The following PDSS2 variants were observed in gnomAD, a reference collection of about 807,000 sequenced individuals.
The protein encoded by PDSS2 is decaprenyl diphosphate synthase subunit 2, also known as all trans-polyprenyl-diphosphate synthase PDSS2.
Under a neutral mutation model 44.5 loss-of-function variants are expected in PDSS2, and 31 were observed. The ratio of observed to expected loss-of-function variants is 0.70; its 90% CI spans 0.52 to 0.94. The LOEUF (loss-of-function observed/expected upper bound fraction) is 0.94. Ranked by LOEUF, PDSS2 falls within the 40% of genes least tolerant of loss-of-function variation. PDSS2 has a pLI of 0.00. For synonymous variants in PDSS2, 157 were observed against 180.3 expected (o/e 0.87, Z 1.03); for missense variants, 452 against 482.2 (o/e 0.94, Z 0.59).
chr6:107,445,778 T>C (rs915364065), intron 1 of PDSS2, among the ~76,000 whole-genome samples: 2 of 152,158 alleles, frequency 1.3e-5, no homozygotes, highest in Admixed American at 6.6e-5. Flanking sequence ...GCAACATTAT[T>C]GGAAATAATC....
chr6:107,434,050 A>G (rs1483061266), intron 1 of PDSS2, among the ~76,000 whole-genome samples: 1 of 152,232 alleles, frequency 6.6e-6, no homozygotes, highest in East Asian at 1.9e-4. Context: ...CAAAACTACA[A>G]CGAGATATCA....
rs929678023 is a variant in PDSS2 at position 107,394,549 on chromosome 6, C to A, written c.297-60217G>T. 3.9e-5 allele frequency among the ~76,000 whole-genome samples: 6 copies of A among 152,246 alleles called. No homozygotes were observed. In the South Asian group the frequency reaches 6.2e-4, roughly 16 times the overall value. Reference sequence around the variant, plus strand: ...CTAAACCATTCAAGATAAACCACCCCCCATGATCCAGTCACCTCCTACCAG... The same window carrying A: ...CTAAACCATTCAAGATAAACCACCCACCATGATCCAGTCACCTCCTACCAG... On this transcript the variant is annotated intron_variant, in intron 1 of 7. Transcript: ENST00000369037.
intron 1 of PDSS2, among the ~76,000 whole-genome samples, chr6:107,342,527 TTAAG>T: frequency 6.6e-6 from 1 of 151,592 alleles, no homozygotes; most frequent in East Asian, 1.9e-4. Flanking sequence ...AAGGGTCTAT[TTAAG>T]TTTTAGAGAA....
chr6:107,431,481 T>C (rs1781192534), intron 1 of PDSS2, among the ~76,000 whole-genome samples: 1 of 152,156 alleles, frequency 6.6e-6, no homozygotes, highest in Non-Finnish European at 1.5e-5. Flanking sequence ...AACTCTGGGC[T>C]CATGCGAACC....
chr6:107,194,938 A>C (rs1286588464), intron 6 of PDSS2, among the ~76,000 whole-genome samples: 1 of 151,868 alleles, frequency 6.6e-6, no homozygotes, highest in Non-Finnish European at 1.5e-5. Flanking sequence ...TGAGTGACAG[A>C]GCAAGACTCC....
intron 7 of PDSS2, chr6:107,192,380 G>A: frequency 2.0e-6 from 1 of 511,672 alleles, no homozygotes; most frequent in South Asian, 1.5e-5. Context: ...AGACCCCAGG[G>A]AAAGGCCCAG....
At chr6:107,437,398 A>G (rs1004069065) in intron 1 of PDSS2, among the ~76,000 whole-genome samples, 5 of 151,924 alleles carry the variant, frequency 3.3e-5, no homozygotes, top group Non-Finnish European at 7.4e-5. Flanking sequence ...GGTGGCGCAC[A>G]CCTATAGTCC....
At chr6:107,203,859 C>A (rs1437083705) in intron 6 of PDSS2, among the ~76,000 whole-genome samples, 2 of 152,014 alleles carry the variant, frequency 1.3e-5, no homozygotes, top group Admixed American at 1.3e-4. Flanking sequence ...TTTTTTCTGT[C>A]TCTATGATTT....
At chr6:107,330,912 T>C (rs1777691430) in intron 2 of PDSS2, among the ~76,000 whole-genome samples, 1 of 152,198 alleles carries the variant, frequency 6.6e-6, no homozygotes, top group South Asian at 2.1e-4. Context: ...CTGGCTGTTA[T>C]ATGATTAGTT....
intron 7 of PDSS2, among the ~76,000 whole-genome samples, chr6:107,170,569 T>G (rs1771529894): frequency 6.6e-6 from 1 of 150,806 alleles, no homozygotes; most frequent in South Asian, 2.1e-4. Flanking sequence ...CTGGGAGCTG[T>G]AGACTGGAGC....
intron 2 of PDSS2, among the ~76,000 whole-genome samples, chr6:107,331,564 A>G (rs1011598495): frequency 6.6e-6 from 1 of 152,204 alleles, no homozygotes; most frequent in Admixed American, 6.5e-5. Context: ...TAGAGGCTAG[A>G]CAAGAATTAG....
chr6:107,393,822 T>C (rs1331656495), intron 1 of PDSS2, among the ~76,000 whole-genome samples: 8 of 152,226 alleles, frequency 5.3e-5, no homozygotes, highest in Admixed American at 5.2e-4. Context: ...TGCACCAACA[T>C]AATACATGTT....
intron 3 of PDSS2, among the ~76,000 whole-genome samples, chr6:107,262,714 G>T (rs1172375484): frequency 6.6e-6 from 1 of 152,108 alleles, no homozygotes; most frequent in East Asian, 1.9e-4. Context: ...AGAGGTTGCA[G>T]TGAGCCAGGA....
At chr6:107,414,316 T>C (rs1780595680) in intron 1 of PDSS2, among the ~76,000 whole-genome samples, 1 of 152,098 alleles carries the variant, frequency 6.6e-6, no homozygotes, top group African/African-American at 2.4e-5. Flanking sequence ...CAGAAGGAGG[T>C]TCTTGAATAA....
chr6:107,381,326 T>C (rs1467729336), intron 1 of PDSS2, among the ~76,000 whole-genome samples: 1 of 152,240 alleles, frequency 6.6e-6, no homozygotes, highest in East Asian at 1.9e-4. Context: ...TCAAAGAGCC[T>C]ATAAGCATAT....
chr6:107,456,778 A>T (rs1160071163), intron 1 of PDSS2, among the ~76,000 whole-genome samples: 2 of 152,174 alleles, frequency 1.3e-5, no homozygotes, highest in African/African-American at 4.8e-5. Flanking sequence ...CCTGGGCTCA[A>T]GCAATCTTTC....
chr6:107,269,395 A>G (rs1336937287), intron 3 of PDSS2, among the ~76,000 whole-genome samples: 1 of 147,080 alleles, frequency 6.8e-6, no homozygotes, highest in East Asian at 2.0e-4. Flanking sequence ...TCAAAGTAGG[A>G]GCACCACCAA....
intron 1 of PDSS2, among the ~76,000 whole-genome samples, chr6:107,388,944 G>C (rs1779697452): frequency 6.6e-6 from 1 of 152,130 alleles, no homozygotes; most frequent in South Asian, 2.1e-4. Context: ...ATTTTGCTAA[G>C]TGAAAAAAGA....
At chr6:107,369,199 C>G (rs1032846440) in intron 1 of PDSS2, among the ~76,000 whole-genome samples, 1 of 152,132 alleles carries the variant, frequency 6.6e-6, no homozygotes, top group Non-Finnish European at 1.5e-5. Flanking sequence ...GTTGGCAGAT[C>G]ACGAGGTCAG....
Sources: allele counts gnomAD v4.1 joint callset (sites outside exome capture counted in the v4.1 genomes callset), GRCh38; gene constraint gnomAD v4.1.1; transcripts MANE v1.5; gene names NCBI Gene and HGNC (gene_info 2026-07-23, HGNC 2026-07-21).